The following TRIM62 variants were observed in gnomAD, a reference collection of about 807,000 sequenced individuals.
TRIM62 encodes the protein tripartite motif containing 62, also known as E3 ubiquitin-protein ligase TRIM62.
In TRIM62, 39 loss-of-function variants were observed where a neutral mutation model predicts 44.2. That is an observed-to-expected ratio of 0.88 (90% CI 0.68 to 1.15). The LOEUF is 1.15. Ranked by LOEUF, TRIM62 falls within the 50% of genes most tolerant of loss-of-function variation. The pLI is 0.00. For synonymous variants in TRIM62, 278 were observed against 292.3 expected, an observed-to-expected ratio of 0.95 and a Z score of 0.50; for missense variants, 544 against 665.5, an observed-to-expected ratio of 0.82 and a Z score of 2.01.
chr1:33,181,113 C>A lies in TRIM62; in HGVS notation c.320G>T (p.Arg107Leu). 1 of 1,600,216 alleles carries A rather than the reference C, an allele frequency of 6.2e-7. No individual in the cohort carries two copies. The highest frequency in any genetic ancestry group is 1.1e-5 in the South Asian group (1 of 90,624). Reference protein sequence around the residue: ...DKVKLFCLTDRALLCFFCDEP... With the variant: ...DKVKLFCLTDLALLCFFCDEP... Reference sequence around the variant, plus strand: ...GTCGCAGAAGAAGCAGAGAAGCGCGCGGTCCGTGAGGCAGAAGAGCTTGAC... The same window carrying A: ...GTCGCAGAAGAAGCAGAGAAGCGCGAGGTCCGTGAGGCAGAAGAGCTTGAC... Residue 107 changes from arginine to leucine, a missense_variant, in exon 1 of 5, where the codon CGC (arginine) becomes CTC (leucine). Coordinates refer to ENST00000291416, the MANE Select transcript of TRIM62 (RefSeq NM_018207.3). The surrounding 1 kb of genome is among the most constrained non-coding windows in gnomAD (Gnocchi z 6.5).
intron 4 of TRIM62, among the ~76,000 whole-genome samples, chr1:33,151,861 G>A (rs760167132): frequency 2.0e-5 from 3 of 152,204 alleles, no homozygotes; most frequent in African/African-American, 4.8e-5. Context: ...AAGCCCTCCC[G>A]GGGCACAGCC....
At chr1:33,174,742 C>A (rs886562580) in intron 1 of TRIM62, among the ~76,000 whole-genome samples, 2 of 152,248 alleles carry the variant, frequency 1.3e-5, no homozygotes, top group African/African-American at 4.8e-5. Context: ...TAGGATTCAG[C>A]TCAACAGAGC....
At chr1:33,154,521 T>C (rs1178026749) in intron 4 of TRIM62, among the ~76,000 whole-genome samples, 5 of 151,472 alleles carry the variant, frequency 3.3e-5, no homozygotes, top group Non-Finnish European at 7.4e-5. Context: ...TTTTTGAGGC[T>C]GGGCGCGGTG....
Position 33,165,209 on chromosome 1 carries a change from A to G in TRIM62, c.504+262T>C, listed in dbSNP as rs1645315731. ...GCCTCAACTTCCACCCAAAGTGGGA[A>G]GGGAGAAATGGCCCCGTCCTTAACC... On this transcript the variant is annotated intron_variant, in intron 2 of 4. Transcript: ENST00000291416. This position sits in a 1 kb window ranked among gnomAD's most constrained non-coding sequence, Gnocchi z 4.0. The G allele has an allele frequency of 8.6e-6, 3 of 347,630 alleles. No homozygotes were observed. The highest frequency in any genetic ancestry group is 9.5e-5 in the Admixed American group (2 of 21,022). The allele number at this position is 347,630 out of a possible 1,614,324, so 21.5% of individuals were successfully genotyped here.
In TRIM62 at chr1:33,181,237, G is replaced by T. The variant is rs573635780; in HGVS notation, c.196C>A (p.Leu66Ile). The stretch of plus-strand genomic sequence containing the variant: ...CGCTCCACGATGTTGGCCAGCTTGA[G>T]GCTGGGCGCCAGCGCGGGCTCGGCG... ...TFAEPALAPS[L>I]KLANIVERYS... Residue 66 changes from leucine (L) to isoleucine (I), a missense_variant, in exon 1 of 5, where the codon CTC becomes ATC. Transcript: ENST00000291416. This position sits in a 1 kb window ranked among gnomAD's most constrained non-coding sequence, Gnocchi z 6.5. The T allele has an allele frequency of 6.4e-7, 1 of 1,561,054 alleles. No homozygotes were observed.
At chr1:33,148,859 C>T (rs974753916) in intron 4 of TRIM62, among the ~76,000 whole-genome samples, 1 of 152,194 alleles carries the variant, frequency 6.6e-6, no homozygotes, top group Admixed American at 6.5e-5. Context: ...AACTGAGACC[C>T]AGAGGGGAGA....
chr1:33,145,772 G>T lies in TRIM62; in HGVS notation c.*1405C>A, dbSNP rs1443544989. The T allele has an allele frequency of 4.5e-6, 2 of 445,056 alleles. No homozygotes were observed. The highest frequency in any genetic ancestry group is 2.0e-5 in the African/African-American group (1 of 49,436). The allele number at this position is 445,056 out of a possible 1,614,324, so 27.6% of individuals were successfully genotyped here. A position where few individuals can be genotyped will look rare whatever the true frequency, so the allele number is the denominator to read the frequency against. The stretch of plus-strand genomic sequence containing the variant: ...AAGGGGCAGGACAACCCTAGATGTG[G>T]ACTCCACCCTCTCCCGAGTTCTTCA... On this transcript the variant is annotated 3_prime_UTR_variant, in exon 5 of 5. Transcript: ENST00000291416.
intron 1 of TRIM62, among the ~76,000 whole-genome samples, chr1:33,175,181 G>C (rs1045645150): frequency 1.1e-4 from 17 of 151,370 alleles, no homozygotes; most frequent in Admixed American, 2.0e-4. Context: ...TGGGATTATA[G>C]GTGTGTGCCA....
Position 33,147,734 on chromosome 1 carries a change from G to T in TRIM62, c.878-7C>A, listed in dbSNP as rs1355010442. 1 of 1,605,310 alleles carries T rather than the reference G, an allele frequency of 6.2e-7. No homozygotes were observed. The highest frequency in any genetic ancestry group is 8.5e-7 in the Non-Finnish European group (1 of 1,174,144). On this transcript the variant is annotated splice_polypyrimidine_tract_variant and splice_region_variant and intron_variant, in intron 4 of 4. Coordinates refer to ENST00000291416, the MANE Select transcript of TRIM62 (RefSeq NM_018207.3). This position sits in a 1 kb window ranked among gnomAD's most constrained non-coding sequence, Gnocchi z 8.1. ...AGGGTTAGGGCGGCTGGCACTGTGG[G>T]GGTTGGAGGAGGGAGAGAAGATGAG...
intron 1 of TRIM62, among the ~76,000 whole-genome samples, chr1:33,170,981 CTTCT>C (rs1645369790): frequency 6.6e-6 from 1 of 152,206 alleles, no homozygotes; most frequent in Non-Finnish European, 1.5e-5. Flanking sequence ...TCCCTAGTCG[CTTCT>C]TTGTGTCTTC....
intron 4 of TRIM62, among the ~76,000 whole-genome samples, chr1:33,150,865 G>A (rs996696740): frequency 3.9e-5 from 6 of 152,166 alleles, no homozygotes; most frequent in Non-Finnish European, 8.8e-5. Context: ...GTGTGACAGT[G>A]GAGGGGCAGA....
chr1:33,145,714 C>T lies in TRIM62; in HGVS notation c.*1463G>A. 5.4e-6 allele frequency: 2 copies of T among 369,006 alleles called. No homozygotes were observed. Among genetic ancestry groups the T allele is most frequent in the South Asian group, 2.1e-5 (1 of 48,104 alleles). 22.9% of individuals were successfully genotyped at this position (369,006 alleles called of 1,614,324 possible). Reference sequence around the variant, plus strand: ...TTAGGCTCAGTCTTGCAGCCCACTCCTCCAGTTCCCACCTCTGGGCAGGGA... The same window carrying T: ...TTAGGCTCAGTCTTGCAGCCCACTCTTCCAGTTCCCACCTCTGGGCAGGGA... On this transcript the variant is annotated 3_prime_UTR_variant, in exon 5 of 5. Coordinates refer to ENST00000291416, the MANE Select transcript of TRIM62 (RefSeq NM_018207.3).
At chr1:33,171,251 G>C (rs1366673978) in intron 1 of TRIM62, among the ~76,000 whole-genome samples, 1 of 152,228 alleles carries the variant, frequency 6.6e-6, no homozygotes, top group Admixed American at 6.5e-5. Context: ...CCTGAGGAAG[G>C]ACACTGGTAA....
At chr1:33,154,361 A>C (rs561202705) in intron 4 of TRIM62, among the ~76,000 whole-genome samples, 6 of 152,340 alleles carry the variant, frequency 3.9e-5, no homozygotes, top group African/African-American at 1.4e-4. Context: ...TGTCTGTCAC[A>C]GCTCGGAGAG....
Position 33,161,622 on chromosome 1 carries a change from C to T in TRIM62, c.505-1678G>A, listed in dbSNP as rs1427375410. Among the ~76,000 whole-genome samples, 1 of 152,144 alleles carries T rather than the reference C, an allele frequency of 6.6e-6. No individual in the cohort carries two copies. The highest frequency in any genetic ancestry group is 1.5e-5 in the Non-Finnish European group (1 of 68,008). On this transcript the variant is annotated intron_variant, in intron 2 of 4. Transcript: ENST00000291416. This position sits in a 1 kb window ranked among gnomAD's most constrained non-coding sequence, Gnocchi z 4.3. Reference sequence around the variant, plus strand: ...CGGACGAGAGTCTGGGGATGCACGGCCAGGCTGCCGTGGCCTTCCTGAGCC... The same window carrying T: ...CGGACGAGAGTCTGGGGATGCACGGTCAGGCTGCCGTGGCCTTCCTGAGCC...
At chr1:33,170,934 T>G (rs1364577712) in intron 1 of TRIM62, among the ~76,000 whole-genome samples, 1 of 152,190 alleles carries the variant, frequency 6.6e-6, no homozygotes, top group Admixed American at 6.5e-5. Context: ...CCCTGGGTGC[T>G]CGGGAGACAG....
chr1:33,159,743 G>T lies in TRIM62; in HGVS notation c.706C>A (p.Leu236Met), dbSNP rs61737101. The change falls in exon 3 of 5, where the codon CTG (leucine) becomes ATG (methionine). Residue 236 changes from leucine to methionine, a missense_variant. Coordinates refer to ENST00000291416, the MANE Select transcript of TRIM62 (RefSeq NM_018207.3). This position sits in a 1 kb window ranked among gnomAD's most constrained non-coding sequence, Gnocchi z 4.2. ...AAGGTGTGCCGGTCGGTTTCAGCCA[G>T]CCGCTCCTGCAGGATCTGGGCTCCC... ...QEGAQILQER[L>M]AETDRHTFLA... is the part of the protein sequence containing the mutation. 2.4e-4 allele frequency: 392 copies of T among 1,612,914 alleles called. 2 individuals are homozygous for T. In the African/African-American group the frequency reaches 4.7e-3, roughly 20 times the overall value.
rs1645223748 is a variant in TRIM62, at chr1:33,159,079, A to G, written c.761+609T>C. ...AGGCTGGTCCTGAACTCCTGACCTC[A>G]GGTAATCCACCTGCCTCGGCCTCCC... On this transcript the variant is annotated intron_variant, in intron 3 of 4. Transcript: ENST00000291416. This position sits in a 1 kb window ranked among gnomAD's most constrained non-coding sequence, Gnocchi z 4.2. 6.6e-6 allele frequency among the ~76,000 whole-genome samples: 1 copy of G among 151,884 alleles called. No homozygotes were observed. The highest frequency in any genetic ancestry group is 1.5e-5 in the Non-Finnish European group (1 of 67,976).
chr1:33,180,877 T>A, intron 1 of TRIM62, 148 bp downstream of exon 1: 1 of 166,212 alleles, frequency 6.0e-6, no homozygotes, highest in Non-Finnish European at 1.1e-5. Flanking sequence ...CCCGCGTTAC[T>A]CCTGATAGGG....
Sources: allele counts gnomAD v4.1 joint callset (sites outside exome capture counted in the v4.1 genomes callset), GRCh38; gene constraint gnomAD v4.1.1; non-coding constraint Gnocchi (gnomAD v3.1); transcripts MANE v1.5; gene names NCBI Gene and HGNC (gene_info 2026-07-23, HGNC 2026-07-21).